The following PCDHGA7 variants were observed in gnomAD, a reference collection of about 807,000 sequenced individuals.
The protein encoded by PCDHGA7 is protocadherin gamma-A7.
A neutral mutation model predicts 58.3 loss-of-function variants in PCDHGA7; 44 were observed. That is an observed-to-expected ratio of 0.75 (90% CI 0.59 to 0.97). PCDHGA7 has a LOEUF of 0.97. Ranked by LOEUF, PCDHGA7 falls within the 50% of genes least tolerant of loss-of-function variation. The probability of loss-of-function intolerance (pLI) is 0.00; values close to 1 mark genes in which losing one functional copy is unlikely to be tolerated. For missense variants in PCDHGA7, 1,266 were observed against 1,188.7 expected (o/e 1.06, Z -0.96); for synonymous variants, 516 against 504.2 (o/e 1.02, Z -0.31).
At chr5:141,414,279 A>C in intron 1 of PCDHGA7, 1 of 1,613,350 alleles carries the variant, frequency 6.2e-7, no homozygotes, top group Non-Finnish European at 8.5e-7. Flanking sequence ...CTCTGGGAAC[A>C]GTCGTAGCCC....
At chr5:141,389,169 C>T in intron 1 of PCDHGA7, 2 of 1,614,028 alleles carry the variant, frequency 1.2e-6, no homozygotes, top group Non-Finnish European at 1.7e-6. Context: ...GGGCAAGCCT[C>T]CCCTCTCCTC....
At chr5:141,389,341 CT>C in intron 1 of PCDHGA7, 1 of 1,614,016 alleles carries the variant, frequency 6.2e-7, no homozygotes, top group Admixed American at 1.7e-5. Flanking sequence ...GGCCAAGTCT[CT>C]TACTGCATCA....
At chr5:141,399,613 G>C (rs752648693) in intron 1 of PCDHGA7, 1 of 1,613,928 alleles carries the variant, frequency 6.2e-7, no homozygotes, top group South Asian at 1.1e-5. Context: ...AGAGCCTCTG[G>C]CACTGGCCTC....
intron 1 of PCDHGA7, chr5:141,422,879 T>A: frequency 6.2e-7 from 1 of 1,614,240 alleles, no homozygotes; most frequent in Non-Finnish European, 8.5e-7. Context: ...TCGCTGAGCC[T>A]GTTCGTGCTG....
At chr5:141,392,819 C>A (rs1346235587) in intron 1 of PCDHGA7, 7 of 1,590,376 alleles carry the variant, frequency 4.4e-6, no homozygotes, top group Non-Finnish European at 6.0e-6. Context: ...CAACAATGGC[C>A]GCTCCACAGA....
At chr5:141,430,689 T>A in intron 1 of PCDHGA7, 1 of 1,408,998 alleles carries the variant, frequency 7.1e-7, no homozygotes, top group Non-Finnish European at 9.4e-7. Flanking sequence ...TCCCATTCTA[T>A]GGGCGAAGGA....
chr5:141,438,526 G>A (rs188552043), intron 1 of PCDHGA7, among the ~76,000 whole-genome samples: 11 of 143,330 alleles, frequency 7.7e-5, no homozygotes, highest in Non-Finnish European at 1.5e-4. Flanking sequence ...ATTTTACATG[G>A]ACTTTTCCTC....
At chr5:141,492,448 G>T (rs2734874) in intron 1 of PCDHGA7, among the ~76,000 whole-genome samples, 50 of 152,334 alleles carry the variant, frequency 3.3e-4, no homozygotes, top group African/African-American at 1.2e-3. Context: ...GTAGCTGATT[G>T]TGCGCGCCTG....
intron 3 of PCDHGA7, chr5:141,507,418 A>T (rs2099860509): frequency 6.6e-6 from 1 of 152,204 alleles, no homozygotes; most frequent in Non-Finnish European, 1.5e-5. Context: ...CTGTGAGGTT[A>T]AGTGGGGCCA....
In PCDHGA7 at chr5:141,431,149, G is replaced by A. The variant is rs150692324; in HGVS notation, c.2424+45826G>A. Reference sequence around the variant, plus strand: ...AAGTAAGGGACATTAACGACAATGCGCCTTACTTTCGTGAAAGTGAATTAG... The same window carrying A: ...AAGTAAGGGACATTAACGACAATGCACCTTACTTTCGTGAAAGTGAATTAG... On this transcript the variant is annotated intron_variant, in intron 1 of 3. Coordinates refer to ENST00000518325, the MANE Select transcript of PCDHGA7 (RefSeq NM_018920.4). This position sits in a 1 kb window ranked among gnomAD's most constrained non-coding sequence, Gnocchi z 4.8. The A allele has an allele frequency of 3.7e-4, 605 of 1,614,210 alleles. No individual in the cohort carries two copies. Among genetic ancestry groups the A allele is most frequent in the Non-Finnish European group, 4.7e-4 (552 of 1,180,020 alleles).
At position 141,431,578 on chromosome 5, in the gene PCDHGA7, C is replaced by T. The variant is rs756332070; in HGVS notation, c.2424+46255C>T. 6.2e-7 allele frequency: 1 copy of T among 1,614,164 alleles called. No homozygotes were observed. On this transcript the variant is annotated intron_variant, in intron 1 of 3. Coordinates refer to ENST00000518325, the MANE Select transcript of PCDHGA7 (RefSeq NM_018920.4). This position sits in a 1 kb window ranked among gnomAD's most constrained non-coding sequence, Gnocchi z 4.8. ...ACGCTACCGACCCTGACGAAGGAGT[C>T]AATGCGGAAGTGAGGTATTCCTTCC...
At position 141,383,832 on chromosome 5, in the gene PCDHGA7, A is replaced by G; in HGVS notation, c.933A>G (p.Glu311=). ...CTTTAGAAGGATTAGATTATGAAGAAACTGCCTTCTATGAAATGGAGGTTC... is the reference window on the plus strand; with the variant it reads ...CTTTAGAAGGATTAGATTATGAAGAGACTGCCTTCTATGAAATGGAGGTTC... ...ISTLEGLDYE[E]TAFYEMEVQA... Residue 311 remains glutamate (E), a synonymous_variant, in exon 1 of 4, where the codon GAA becomes GAG. Coordinates refer to ENST00000518325, the MANE Select transcript of PCDHGA7 (RefSeq NM_018920.4). The G allele has an allele frequency of 6.2e-7, 1 of 1,613,926 alleles. No individual in the cohort carries two copies. Among genetic ancestry groups the G allele is most frequent in the Non-Finnish European group, 8.5e-7 (1 of 1,179,844 alleles).
chr5:141,422,243 T>C, intron 1 of PCDHGA7: 12 of 1,566,082 alleles, frequency 7.7e-6, no homozygotes, highest in Non-Finnish European at 1.0e-5. Flanking sequence ...ATCACTGTTG[T>C]GGATGTGAAT....
At position 141,491,613 on chromosome 5, in the gene PCDHGA7, A is replaced by AC; in HGVS notation, c.2425-3190dup. On this transcript the variant is annotated intron_variant, in intron 1 of 3. Coordinates refer to ENST00000518325, the MANE Select transcript of PCDHGA7 (RefSeq NM_018920.4). The surrounding 1 kb of genome is among the most constrained non-coding windows in gnomAD (Gnocchi z 6.9). Reference sequence around the variant, plus strand: ...ACGGCAGTGACTTCACTTTTCTAAGACCCCTCAGCGTTCAGCAGCCCACAG... The same window carrying AC: ...ACGGCAGTGACTTCACTTTTCTAAGACCCCCTCAGCGTTCAGCAGCCCACAG... 6.2e-7 allele frequency: 1 copy of AC among 1,613,568 alleles called. No homozygotes were observed. Among genetic ancestry groups the AC allele is most frequent in the Non-Finnish European group, 8.5e-7 (1 of 1,179,968 alleles).
intron 1 of PCDHGA7, among the ~76,000 whole-genome samples, chr5:141,448,632 T>G (rs1383720361): frequency 1.3e-5 from 2 of 152,106 alleles, no homozygotes; most frequent in Admixed American, 1.3e-4. Context: ...TTCTTCACAT[T>G]ATATCCTTTA....
intron 1 of PCDHGA7, among the ~76,000 whole-genome samples, chr5:141,481,731 A>G (rs1339022274): frequency 6.6e-6 from 1 of 152,060 alleles, no homozygotes; most frequent in African/African-American, 2.4e-5. Context: ...AGGCGGGCGG[A>G]TCACGAGGTC....
chr5:141,454,493 A>G (rs1328573277), intron 1 of PCDHGA7, among the ~76,000 whole-genome samples: 1 of 151,866 alleles, frequency 6.6e-6, no homozygotes, highest in Non-Finnish European at 1.5e-5. Context: ...CGCAACCTCC[A>G]CCTCCTGGAT....
chr5:141,399,643 C>G lies in PCDHGA7; in HGVS notation c.2424+14320C>G, dbSNP rs776980167. On this transcript the variant is annotated intron_variant, in intron 1 of 3. Transcript: ENST00000518325. The stretch of plus-strand genomic sequence containing the variant: ...GGCCTCTTACGTGTCCATGAGCGCG[C>G]AAAGTGGGGTGGTGTTCGCGCAGCG... 133 of 1,613,714 alleles carry G rather than the reference C, an allele frequency of 8.2e-5. No individual in the cohort carries two copies. Among genetic ancestry groups the G allele is most frequent in the Non-Finnish European group, 1.1e-4 (126 of 1,179,890 alleles).
At position 141,422,108 on chromosome 5, in the gene PCDHGA7, A is replaced by G. The variant is rs766617894; in HGVS notation, c.2424+36785A>G. 4.4e-6 allele frequency: 7 copies of G among 1,606,984 alleles called. No homozygotes were observed. In the East Asian group the frequency reaches 1.6e-4, roughly 36 times the overall value. ...GAAAGCAAGGCTTCTGAAATATTCCAATTGGATTCACAAACTGGAGAAGTT... is the reference window on the plus strand; with the variant it reads ...GAAAGCAAGGCTTCTGAAATATTCCGATTGGATTCACAAACTGGAGAAGTT... On this transcript the variant is annotated intron_variant, in intron 1 of 3. Transcript: ENST00000518325.
Sources: gnomAD v4.1 joint callset for allele counts (sites outside exome capture counted in the v4.1 genomes callset) on GRCh38, gnomAD v4.1.1 for gene constraint, Gnocchi (gnomAD v3.1) non-coding constraint, MANE v1.5 for transcripts, NCBI Gene and HGNC (gene_info 2026-07-23, HGNC 2026-07-21) for gene names.